HPSE2: variants seen among roughly 807,000 people sequenced by gnomAD.
HPSE2 encodes the protein inactive heparanase-2.
In HPSE2, 38 loss-of-function variants were observed where a neutral mutation model predicts 60.5. The ratio of observed to expected loss-of-function variants is 0.63; its 90% CI spans 0.48 to 0.82. The LOEUF (loss-of-function observed/expected upper bound fraction) is 0.82, where lower values mean the gene tolerates loss of function less well. Among genes scored for constraint, HPSE2 ranks in the 40% least tolerant of loss-of-function variants. HPSE2 has a pLI of 0.00. For synonymous variants in HPSE2, 295 were observed against 293.2 expected, an observed-to-expected ratio of 1.01 and a Z score of -0.06; for missense variants, 713 against 740.4, an observed-to-expected ratio of 0.96 and a Z score of 0.43.
chr10:98,620,790 G>A (rs1946053031), intron 7 of HPSE2, 82 bp from the exon 8 acceptor site: 10 of 934,536 alleles, frequency 1.1e-5, no homozygotes, highest in Non-Finnish European at 1.7e-5. Context: ...ATTCCCTTAA[G>A]GAAGTTGATC....
At chr10:99,079,290 T>A (rs1255751847) in intron 3 of HPSE2, among the ~76,000 whole-genome samples, 2 of 151,694 alleles carry the variant, frequency 1.3e-5, no homozygotes, top group African/African-American at 4.8e-5. Flanking sequence ...GGAACTAGGG[T>A]ATATTCATCT....
intron 3 of HPSE2, among the ~76,000 whole-genome samples, chr10:98,776,720 G>A (rs191453580): frequency 1.5e-4 from 23 of 151,828 alleles, no homozygotes; most frequent in African/African-American, 4.3e-4. Context: ...GCTTGGATCC[G>A]AGATTGGTGG....
intron 11 of HPSE2, among the ~76,000 whole-genome samples, chr10:98,464,885 C>A (rs1418124042): frequency 6.6e-6 from 1 of 152,198 alleles, no homozygotes. Flanking sequence ...CAGCCACTCA[C>A]TAGATACCTC....
chr10:98,573,951 T>C (rs1364265820), intron 9 of HPSE2, among the ~76,000 whole-genome samples: 1 of 152,188 alleles, frequency 6.6e-6, no homozygotes, highest in Non-Finnish European at 1.5e-5. Context: ...GCTTTTAGTA[T>C]ATTCACAGAG....
intron 9 of HPSE2, among the ~76,000 whole-genome samples, chr10:98,604,470 TA>T (rs1945521761): frequency 6.6e-6 from 1 of 152,062 alleles, no homozygotes; most frequent in Admixed American, 6.6e-5. Flanking sequence ...AAAGACTGAT[TA>T]AAACAGGGCA....
chr10:98,902,427 T>C (rs575947810), intron 3 of HPSE2, among the ~76,000 whole-genome samples: 181 of 152,304 alleles, frequency 1.2e-3, no homozygotes, highest in African/African-American at 4.3e-3. Flanking sequence ...CAGGTAACTT[T>C]ATCACCATGT....
At chr10:99,216,603 C>G (rs1342448018) in intron 2 of HPSE2, among the ~76,000 whole-genome samples, 2 of 152,194 alleles carry the variant, frequency 1.3e-5, no homozygotes, top group East Asian at 3.8e-4. Context: ...AGGTTTACTG[C>G]TTCTTCCTCT....
At chr10:98,813,480 A>C (rs1372215131) in intron 3 of HPSE2, among the ~76,000 whole-genome samples, 3 of 152,174 alleles carry the variant, frequency 2.0e-5, no homozygotes, top group Non-Finnish European at 4.4e-5. Context: ...CTGATCTTAG[A>C]AACCCCAAAA....
At chr10:99,151,151 C>T (rs1335647966) in intron 2 of HPSE2, among the ~76,000 whole-genome samples, 2 of 150,218 alleles carry the variant, frequency 1.3e-5, no homozygotes, top group Non-Finnish European at 3.0e-5. Flanking sequence ...ACTTTGATTA[C>T]AAAACAACAA....
intron 9 of HPSE2, among the ~76,000 whole-genome samples, chr10:98,493,493 CAT>C (rs1198910883): frequency 6.6e-6 from 1 of 152,106 alleles, no homozygotes; most frequent in Non-Finnish European, 1.5e-5. Flanking sequence ...GGTGTGTAAA[CAT>C]AATGTTATAT....
At chr10:98,488,921 T>A (rs982585762) in intron 10 of HPSE2, among the ~76,000 whole-genome samples, 1 of 151,998 alleles carries the variant, frequency 6.6e-6, no homozygotes, top group Non-Finnish European at 1.5e-5. Context: ...CTGCCCCCCC[T>A]CTCCTCAGAG....
chr10:98,687,333 C>G (rs1052000595), intron 6 of HPSE2, among the ~76,000 whole-genome samples: 5 of 152,154 alleles, frequency 3.3e-5, no homozygotes, highest in Non-Finnish European at 5.9e-5. Flanking sequence ...TGTTCCTCTT[C>G]CTCTATCTTC....
chr10:99,007,105 G>A (rs1157148425), intron 3 of HPSE2, among the ~76,000 whole-genome samples: 1 of 152,180 alleles, frequency 6.6e-6, no homozygotes, highest in African/African-American at 2.4e-5. Flanking sequence ...TGCTGGGGGT[G>A]GCCTGGAGCC....
chr10:99,252,361 G>A, the HPSE2 span, among the ~76,000 whole-genome samples: 1 of 151,512 alleles, frequency 6.6e-6, no homozygotes. Context: ...TCCAAATAGG[G>A]GAAAAAAAAG....
chr10:98,620,633 T>C lies in HPSE2; in HGVS notation c.1174A>G (p.Asn392Asp). The C allele has an allele frequency of 6.2e-7, 1 of 1,614,090 alleles. No homozygotes were observed. Among genetic ancestry groups the C allele is most frequent in the East Asian group, 2.2e-5 (1 of 44,876 alleles). ...CCTGCAGCATAGGAATCGGATAGAT[T>C]GTTTGTGCCTCCAGCTGAGGTGGTC... ...VVTTSAGGTN[N>D]LSDSYAAGFL... Residue 392 changes from asparagine to aspartate, a missense_variant, in exon 8 of 12, where the codon AAT becomes GAT. Asn to Asp is a conservative substitution (Grantham distance 23). Transcript: ENST00000370552.
chr10:99,026,484 T>C (rs372335304), intron 3 of HPSE2, among the ~76,000 whole-genome samples: 16 of 152,078 alleles, frequency 1.1e-4, no homozygotes, highest in African/African-American at 3.6e-4. Flanking sequence ...AAGGTTAATA[T>C]TAGAGGTAAA....
intron 2 of HPSE2, among the ~76,000 whole-genome samples, chr10:99,169,186 C>G (rs919364470): frequency 4.5e-5 from 6 of 134,508 alleles, no homozygotes; most frequent in African/African-American, 8.5e-5. Flanking sequence ...GAGCAAGACT[C>G]CGTCTCAAAA....
chr10:98,572,419 A>G (rs1944523291), intron 9 of HPSE2, among the ~76,000 whole-genome samples: 1 of 152,100 alleles, frequency 6.6e-6, no homozygotes, highest in South Asian at 2.1e-4. Flanking sequence ...ACCATATCTC[A>G]ATGTGGATCT....
At chr10:99,151,610 G>A (rs1219091154) in intron 2 of HPSE2, among the ~76,000 whole-genome samples, 1 of 151,934 alleles carries the variant, frequency 6.6e-6, no homozygotes, top group Non-Finnish European at 1.5e-5. Context: ...AAAGCACGGA[G>A]GAAAAAAACT....
Sources: gnomAD v4.1 joint callset for allele counts (sites outside exome capture counted in the v4.1 genomes callset) on GRCh38, gnomAD v4.1.1 for gene constraint, MANE v1.5 for transcripts, NCBI Gene and HGNC (gene_info 2026-07-23, HGNC 2026-07-21) for gene names.